PSD3: variants seen among roughly 807,000 people sequenced by gnomAD.
The protein encoded by PSD3 is PH and SEC7 domain-containing protein 3.
PSD3 carries 49 observed loss-of-function variants against 105.5 expected under a neutral mutation model. The observed-to-expected ratio is 0.46, with a 90% confidence interval of 0.37 to 0.59. PSD3 has a LOEUF of 0.59. PSD3 is among the 20% of genes least tolerant of loss of function. The pLI is 0.00. For synonymous variants in PSD3, 557 were observed against 457.8 expected (o/e 1.22, Z -2.77); for missense variants, 1,561 against 1,263.8 (o/e 1.24, Z -3.57).
intron 2 of PSD3, 23 bp from the exon 3 acceptor site, chr8:18,872,756 A>C: frequency 6.6e-7 from 1 of 1,518,932 alleles, no homozygotes; most frequent in Non-Finnish European, 8.8e-7. Flanking sequence ...CACAATGGAC[A>C]TATGACTTGT....
intron 4 of PSD3, among the ~76,000 whole-genome samples, chr8:18,808,028 C>T (rs1811350977): frequency 6.6e-6 from 1 of 152,158 alleles, no homozygotes; most frequent in African/African-American, 2.4e-5. Context: ...TAATCATTAT[C>T]GACAGTATAA....
chr8:18,921,738 T>A (rs1821035079), intron 2 of PSD3, among the ~76,000 whole-genome samples: 1 of 152,138 alleles, frequency 6.6e-6, no homozygotes, highest in African/African-American at 2.4e-5. Flanking sequence ...AAGTATAAAG[T>A]CATACACTAT....
At chr8:18,779,232 T>C (rs1328227502) in intron 8 of PSD3, among the ~76,000 whole-genome samples, 1 of 152,222 alleles carries the variant, frequency 6.6e-6, no homozygotes, top group East Asian at 1.9e-4. Flanking sequence ...TTCCAATTTG[T>C]TCAGACAGTT....
chr8:18,557,448 C>A lies in PSD3; in HGVS notation c.2785-1096G>T, dbSNP rs555250032. On this transcript the variant is annotated intron_variant, in intron 14 of 15. Transcript: ENST00000327040. The stretch of plus-strand genomic sequence containing the variant: ...AGAAAACGTGTCCAGAAATTATGAG[C>A]GTCACATATAATATCTTACGGACTT... 2 of 153,734 alleles carry A rather than the reference C, an allele frequency of 1.3e-5. 1 individual carries two copies. The highest frequency in any genetic ancestry group is 1.3e-4 in the Admixed American group (2 of 15,266). The allele number at this position is 153,734 out of a possible 1,614,324, so 9.5% of individuals were successfully genotyped here. A position where few individuals can be genotyped will look rare whatever the true frequency, so the allele number is the denominator to read the frequency against.
chr8:19,054,339 C>T (rs959288176), intron 1 of PSD3, among the ~76,000 whole-genome samples: 2 of 152,112 alleles, frequency 1.3e-5, no homozygotes, highest in Non-Finnish European at 2.9e-5. Flanking sequence ...GAGAGTATCC[C>T]GTGTTACCCA....
At chr8:18,555,266 C>G (rs1801000729) in intron 15 of PSD3, among the ~76,000 whole-genome samples, 1 of 152,058 alleles carries the variant, frequency 6.6e-6, no homozygotes. Context: ...GCCACAGACA[C>G]TGATCGCTAG....
chr8:18,763,115 G>A (rs1806678682), intron 9 of PSD3: 1 of 453,264 alleles, frequency 2.2e-6, no homozygotes, highest in Non-Finnish European at 4.4e-6. Context: ...GTTACTTCTG[G>A]GCCAAAGAAA....
At chr8:18,659,705 G>A (rs1809189901) in intron 9 of PSD3, among the ~76,000 whole-genome samples, 1 of 152,180 alleles carries the variant, frequency 6.6e-6, no homozygotes, top group Non-Finnish European at 1.5e-5. Context: ...AGCCACCGTT[G>A]CTAGGACACA....
intron 9 of PSD3, among the ~76,000 whole-genome samples, chr8:18,697,170 T>C (rs1801307497): frequency 6.6e-6 from 1 of 152,236 alleles, no homozygotes; most frequent in African/African-American, 2.4e-5. Flanking sequence ...GTCTTTGAAA[T>C]CTGGTGTGTA....
At chr8:18,856,401 G>A (rs1470449775) in intron 4 of PSD3, among the ~76,000 whole-genome samples, 2 of 151,386 alleles carry the variant, frequency 1.3e-5, no homozygotes, top group African/African-American at 4.8e-5. Flanking sequence ...TATGCCAGGG[G>A]TTCTCTGAGT....
chr8:18,956,354 C>A (rs533968953), intron 1 of PSD3, among the ~76,000 whole-genome samples: 1 of 152,084 alleles, frequency 6.6e-6, no homozygotes, highest in African/African-American at 2.4e-5. Context: ...TGGGGTGGGG[C>A]CTGACAGTCT....
intron 9 of PSD3, among the ~76,000 whole-genome samples, chr8:18,700,741 T>G (rs1299934218): frequency 2.6e-5 from 4 of 152,174 alleles, no homozygotes; most frequent in African/African-American, 7.2e-5. Flanking sequence ...CTTTGGTTTT[T>G]TCTTTCTTTC....
chr8:18,729,866 T>C (rs527267996), intron 9 of PSD3, among the ~76,000 whole-genome samples: 1 of 152,154 alleles, frequency 6.6e-6, no homozygotes, highest in Admixed American at 6.5e-5. Context: ...CTAATTCAAT[T>C]TCTCTTACCA....
chr8:18,907,881 T>C (rs1407600658), intron 2 of PSD3, among the ~76,000 whole-genome samples: 1 of 152,232 alleles, frequency 6.6e-6, no homozygotes, highest in African/African-American at 2.4e-5. Context: ...TAAGTTGAAT[T>C]TATTAAATGT....
chr8:18,545,053 T>C (rs1335429718), intron 15 of PSD3, among the ~76,000 whole-genome samples: 1 of 152,206 alleles, frequency 6.6e-6, no homozygotes, highest in Non-Finnish European at 1.5e-5. Flanking sequence ...ATATGAGTTG[T>C]TAAGAAGAGT....
At chr8:18,900,596 G>C (rs950205045) in intron 2 of PSD3, among the ~76,000 whole-genome samples, 1 of 148,842 alleles carries the variant, frequency 6.7e-6, no homozygotes, top group Non-Finnish European at 1.5e-5. Flanking sequence ...GTTTATAGTA[G>C]TGAACTAAAC....
chr8:18,872,398 G>C lies in PSD3; in HGVS notation c.466C>G (p.Leu156Val). 1.2e-6 allele frequency: 2 copies of C among 1,614,182 alleles called. No individual in the cohort carries two copies. The highest frequency in any genetic ancestry group is 1.7e-6 in the Non-Finnish European group (2 of 1,180,036). Residue 156 changes from leucine (L) to valine (V), a missense_variant, in exon 3 of 16, where the codon CTG becomes GTG. Leu to Val is a conservative substitution (Grantham distance 32). Coordinates refer to ENST00000327040, the MANE Select transcript of PSD3 (RefSeq NM_015310.4). ...AAACTAGAAACAGCATCTTGGTCCA[G>C]TACCTTTGTAGCCTGTAATGTTCCG... ...ISGTLQATKV[L>V]DQDAVSSFSV...
At chr8:18,659,864 A>T (rs762517020) in intron 9 of PSD3, among the ~76,000 whole-genome samples, 7 of 152,116 alleles carry the variant, frequency 4.6e-5, no homozygotes, top group Non-Finnish European at 1.0e-4. Context: ...ATCTCCAGCT[A>T]TGTGAGGGGT....
intron 2 of PSD3, among the ~76,000 whole-genome samples, chr8:18,873,344 T>C (rs890863280): frequency 6.6e-6 from 1 of 152,234 alleles, no homozygotes; most frequent in Non-Finnish European, 1.5e-5. Flanking sequence ...CTTAGTGTGT[T>C]GAGAAAGACT....
Sources: gnomAD v4.1 joint callset for allele counts (sites outside exome capture counted in the v4.1 genomes callset) on GRCh38, gnomAD v4.1.1 for gene constraint, MANE v1.5 for transcripts, NCBI Gene and HGNC (gene_info 2026-07-23, HGNC 2026-07-21) for gene names.